The following TPCN1 variants were observed in gnomAD, a reference collection of about 807,000 sequenced individuals.
TPCN1 encodes the protein two pore segment channel 1, also known as two pore channel protein 1.
A neutral mutation model predicts 108.8 loss-of-function variants in TPCN1; 52 were observed. The ratio of observed to expected loss-of-function variants is 0.48; its 90% CI spans 0.38 to 0.60. The LOEUF (loss-of-function observed/expected upper bound fraction) is 0.60. Ranked by LOEUF, TPCN1 falls within the 20% of genes least tolerant of loss-of-function variation. The pLI is 0.00. For missense variants in TPCN1, 806 were observed against 1,072.8 expected (o/e 0.75, Z 3.47); for synonymous variants, 446 against 433.7 (o/e 1.03, Z -0.35).
intron 1 of TPCN1, among the ~76,000 whole-genome samples, chr12:113,226,431 C>A (rs969643156): frequency 7.2e-5 from 11 of 152,112 alleles, no homozygotes; most frequent in African/African-American, 2.7e-4. Context: ...CAGGCACCTA[C>A]CACCAAGCCC....
At chr12:113,279,430 C>T (rs1490729880) in intron 14 of TPCN1, among the ~76,000 whole-genome samples, 1 of 108,642 alleles carries the variant, frequency 9.2e-6, no homozygotes, top group Non-Finnish European at 1.7e-5. Context: ...GGCGGCGTCT[C>T]GCTCTGTTGC....
chr12:113,239,942 T>C (rs926712490), intron 2 of TPCN1, among the ~76,000 whole-genome samples: 1 of 152,148 alleles, frequency 6.6e-6, no homozygotes, highest in African/African-American at 2.4e-5. Context: ...GGCTAATGGC[T>C]TGGAGCTGCT....
chr12:113,271,765 C>T (rs1053373596), intron 7 of TPCN1, among the ~76,000 whole-genome samples: 6 of 152,230 alleles, frequency 3.9e-5, no homozygotes, highest in African/African-American at 7.2e-5. Context: ...CCCAAAGGCG[C>T]TTGCCTGGGC....
At chr12:113,262,825 T>C in intron 3 of TPCN1, among the ~76,000 whole-genome samples, 1 of 152,224 alleles carries the variant, frequency 6.6e-6, no homozygotes, top group East Asian at 1.9e-4. Flanking sequence ...ATGTGGCAAC[T>C]GAGACTCAGA....
chr12:113,241,793 T>TGTGTGTGTGTGCGC (rs776600301), intron 2 of TPCN1, among the ~76,000 whole-genome samples: 10 of 150,430 alleles, frequency 6.6e-5, no homozygotes, highest in Non-Finnish European at 1.3e-4. Context: ...TGTGTGTGTG[T>TGTGTGTGTGTGCGC]GCGTGTGTGT....
chr12:113,229,990 C>T (rs537928187), intron 2 of TPCN1, among the ~76,000 whole-genome samples: 4 of 152,276 alleles, frequency 2.6e-5, no homozygotes, highest in South Asian at 2.1e-4. Context: ...GCATTTAGTT[C>T]GGTGAATCCC....
chr12:113,277,724 C>T (rs948999617), intron 12 of TPCN1, among the ~76,000 whole-genome samples: 25 of 152,106 alleles, frequency 1.6e-4, no homozygotes, highest in African/African-American at 6.0e-4. Context: ...GGCTCGGCCG[C>T]AGAGAACTGA....
chr12:113,287,784 A>C (rs1433876064), intron 19 of TPCN1, among the ~76,000 whole-genome samples: 7 of 151,748 alleles, frequency 4.6e-5, no homozygotes, highest in Non-Finnish European at 1.0e-4. Context: ...GCCCCCTGCC[A>C]CCCTTCTTCA....
chr12:113,247,797 T>C (rs1954457986), intron 2 of TPCN1, among the ~76,000 whole-genome samples: 1 of 152,344 alleles, frequency 6.6e-6, no homozygotes, highest in South Asian at 2.1e-4. Context: ...TCTTGAAAAG[T>C]CCCTGAGTGG....
intron 2 of TPCN1, among the ~76,000 whole-genome samples, chr12:113,258,979 A>ATT (rs111501174): frequency 3.5e-5 from 5 of 141,132 alleles, no homozygotes; most frequent in Non-Finnish European, 6.2e-5. Flanking sequence ...AAAACATTAG[A>ATT]TTTTTTTTTT....
intron 25 of TPCN1, 93 bp from the exon 26 acceptor site, chr12:113,292,841 C>T (rs1340243607): frequency 2.1e-6 from 3 of 1,425,568 alleles, no homozygotes; most frequent in East Asian, 2.3e-5. Flanking sequence ...AACCTTAAGA[C>T]CCCCTGCGGA....
At chr12:113,291,085 TC>T (rs1956250990) in intron 23 of TPCN1, 87 bp downstream of exon 23, 11 of 1,290,842 alleles carry the variant, frequency 8.5e-6, no homozygotes, top group Non-Finnish European at 1.2e-5. Flanking sequence ...ATATAATTCT[TC>T]CCGTAGCTTG....
At chr12:113,252,367 G>A (rs531150420) in intron 2 of TPCN1, among the ~76,000 whole-genome samples, 163 of 152,296 alleles carry the variant, frequency 1.1e-3, no homozygotes, top group African/African-American at 3.8e-3. Flanking sequence ...AGCTTTTGAG[G>A]AGGACCAGAC....
intron 2 of TPCN1, chr12:113,250,159 A>G (rs1016584899): frequency 8.5e-5 from 13 of 152,240 alleles, no homozygotes; most frequent in African/African-American, 3.1e-4. Flanking sequence ...TGTGCTAAAA[A>G]AAGATGCCAT....
At chr12:113,224,598 A>G (rs990637800) in intron 1 of TPCN1, among the ~76,000 whole-genome samples, 14 of 151,758 alleles carry the variant, frequency 9.2e-5, no homozygotes, top group Non-Finnish European at 1.5e-4. Flanking sequence ...GGGTTTCACC[A>G]TGTTAGCCAG....
chr12:113,292,210 A>G (rs914239410), intron 25 of TPCN1: 17 of 481,920 alleles, frequency 3.5e-5, no homozygotes, highest in African/African-American at 3.3e-4. Flanking sequence ...CAAGAAGTAG[A>G]GAAAGGCTTA....
chr12:113,236,290 C>G (rs1953890504), intron 2 of TPCN1, among the ~76,000 whole-genome samples: 1 of 152,176 alleles, frequency 6.6e-6, no homozygotes, highest in Non-Finnish European at 1.5e-5. Flanking sequence ...GCACGTACAG[C>G]TTGGCATCTG....
At chr12:113,223,797 G>A (rs1342559783) in intron 1 of TPCN1, among the ~76,000 whole-genome samples, 1 of 152,152 alleles carries the variant, frequency 6.6e-6, no homozygotes, top group African/African-American at 2.4e-5. Flanking sequence ...ACCTGCCTCG[G>A]CCTCTCAAAA....
intron 2 of TPCN1, among the ~76,000 whole-genome samples, chr12:113,235,272 G>A (rs183517471): frequency 6.6e-6 from 1 of 152,322 alleles, no homozygotes; most frequent in Non-Finnish European, 1.5e-5. Context: ...AGGAAACCCT[G>A]CATCATTCTT....
Sources: allele counts gnomAD v4.1 joint callset (sites outside exome capture counted in the v4.1 genomes callset), GRCh38; gene constraint gnomAD v4.1.1; transcripts MANE v1.5; gene names NCBI Gene and HGNC (gene_info 2026-07-23, HGNC 2026-07-21).